Variants in JADE3 observed in about 807,000 individuals in gnomAD.
JADE3 encodes jade family PHD finger 3.
In JADE3, 2 loss-of-function variants were observed where a neutral mutation model predicts 50.1. The ratio of observed to expected loss-of-function variants is 0.04; its 90% confidence interval spans 0.02 to 0.13. The LOEUF (loss-of-function observed/expected upper bound fraction) is 0.13. JADE3 is among the 10% of genes least tolerant of loss of function. The pLI, the probability that JADE3 is intolerant of heterozygous loss-of-function variation, is 1.00. For synonymous variants in JADE3, 218 were observed against 232.9 expected, an observed-to-expected ratio of 0.94 and a Z score of 0.58; for missense variants, 475 against 634.4, an observed-to-expected ratio of 0.75 and a Z score of 2.70.
chrX:47,058,159 T>G lies in JADE3; in HGVS notation c.1562-8T>G, dbSNP rs1481457415. ...GTTGTTAAAACGAATCTTTCTTTTTTATCTCAGGGCTTCCTTTGACAAATG... is the reference window on the plus strand; with the variant it reads ...GTTGTTAAAACGAATCTTTCTTTTTGATCTCAGGGCTTCCTTTGACAAATG... On this transcript the variant is annotated splice_region_variant and splice_polypyrimidine_tract_variant and intron_variant, in intron 10 of 10. Transcript: ENST00000614628. 7.6e-6 allele frequency: 9 copies of G among 1,190,490 alleles called. No individual in the cohort carries two copies. Among genetic ancestry groups the G allele is most frequent in the Non-Finnish European group, 1.0e-5 (9 of 884,490 alleles).
intron 8 of JADE3, among the ~76,000 whole-genome samples, chrX:47,052,810 C>T (rs1481786744): frequency 9.1e-6 from 1 of 110,189 alleles, no homozygotes; most frequent in Non-Finnish European, 1.9e-5. Flanking sequence ...AATCCCAGCA[C>T]TTTGGGAGGC....
intron 1 of JADE3, among the ~76,000 whole-genome samples, chrX:46,926,043 T>C (rs1926356423): frequency 1.1e-5 from 1 of 94,708 alleles, no homozygotes. Context: ...TTTTATTTTA[T>C]TTTATTTTAT....
intron 8 of JADE3, among the ~76,000 whole-genome samples, chrX:47,052,326 T>C (rs1302213309): frequency 9.1e-6 from 1 of 109,496 alleles, no homozygotes; most frequent in African/African-American, 3.3e-5. Context: ...GTAACCATAT[T>C]GTTCAATAGA....
chrX:46,962,108 G>A (rs1300741034), intron 1 of JADE3, among the ~76,000 whole-genome samples: 4 of 111,245 alleles, frequency 3.6e-5, no homozygotes, highest in South Asian at 3.8e-4. Context: ...AAGCACCTGC[G>A]CCTCCTCACA....
intron 1 of JADE3, among the ~76,000 whole-genome samples, chrX:46,960,859 G>T (rs950141618): frequency 3.6e-5 from 4 of 110,965 alleles, no homozygotes; most frequent in African/African-American, 1.3e-4. Context: ...AAGGAACCAG[G>T]TCAGAGAGAG....
intron 9 of JADE3, 88 bp from the exon 10 acceptor site, chrX:47,055,994 T>G: frequency 1.8e-6 from 1 of 542,792 alleles, no homozygotes; most frequent in Non-Finnish European, 3.2e-6. Context: ...CCACCTGACT[T>G]TAGGTCTTTA....
At chrX:46,957,213 T>TTAGATAGATAGATAGA (rs61650300) in intron 1 of JADE3, among the ~76,000 whole-genome samples, 1,219 of 98,546 alleles carry the variant, frequency 0.012, 11 homozygotes, top group Non-Finnish European at 0.014. Flanking sequence ...TTCAGATAGA[T>TTAGATAGATAGATAGA]TAGATAGATA....
intron 6 of JADE3, among the ~76,000 whole-genome samples, chrX:47,029,561 TAAA>T (rs1556366325): frequency 8.9e-6 from 1 of 112,125 alleles, no homozygotes; most frequent in Non-Finnish European, 1.9e-5. Flanking sequence ...ACAAAATGAC[TAAA>T]GTAATTAGAA....
chrX:46,925,741 G>A (rs1203640322), intron 1 of JADE3, among the ~76,000 whole-genome samples: 3 of 108,634 alleles, frequency 2.8e-5, no homozygotes, highest in African/African-American at 6.7e-5. Flanking sequence ...GGAGAATGGC[G>A]TGAACCCGGG....
chrX:46,966,656 GA>G (rs1353404014), intron 1 of JADE3, among the ~76,000 whole-genome samples: 22 of 111,878 alleles, frequency 2.0e-4, no homozygotes, highest in African/African-American at 6.8e-4. Flanking sequence ...ATTCTGGTGA[GA>G]TAGAAGCAAT....
intron 1 of JADE3, among the ~76,000 whole-genome samples, chrX:46,914,614 T>A (rs1926042215): frequency 1.8e-5 from 2 of 112,097 alleles, no homozygotes; most frequent in Non-Finnish European, 3.8e-5. Context: ...TTTGCCACCT[T>A]TTCTCCAGTT....
chrX:46,930,778 C>G (rs981470605), intron 1 of JADE3, among the ~76,000 whole-genome samples: 2 of 111,443 alleles, frequency 1.8e-5, no homozygotes, highest in Non-Finnish European at 3.8e-5. Context: ...ACAGACAGTT[C>G]ATTACACCCC....
At chrX:47,006,728 G>T (rs5906305) in intron 4 of JADE3, among the ~76,000 whole-genome samples, 37,725 of 109,086 alleles carry the variant, frequency 0.35, 7,812 homozygotes, top group African/African-American at 0.77. Flanking sequence ...ATTTGAAGCT[G>T]TTTCTCTTAT....
chrX:46,976,903 C>T (rs925681420), intron 1 of JADE3, among the ~76,000 whole-genome samples: 3 of 111,577 alleles, frequency 2.7e-5, no homozygotes, highest in African/African-American at 9.8e-5. Flanking sequence ...AATTGTTTGC[C>T]GTATGCTTTC....
Position 47,010,836 on chromosome X carries a change from C to CA in JADE3, c.284+12568dup, listed in dbSNP as rs782148436. ...TCTCTCTCTCCCTCTCTTTCTCTCT[C>CA]AAAAAAAAATTATTTTTTCATAGTT... On this transcript the variant is annotated intron_variant, in intron 4 of 10. Coordinates refer to ENST00000614628, the MANE Select transcript of JADE3 (RefSeq NM_014735.5). Among the ~76,000 whole-genome samples the CA allele has an allele frequency of 1.3e-4, 14 of 110,030 alleles. No homozygotes were observed. The East Asian group carries it at 1.4e-3, about 11-fold the overall frequency.
chrX:46,943,351 T>G lies in JADE3; in HGVS notation c.-12+30632T>G, dbSNP rs542833426. 6.2e-5 allele frequency among the ~76,000 whole-genome samples: 7 copies of G among 112,025 alleles called. No individual in the cohort carries two copies. In the Middle Eastern group the frequency reaches 0.014, roughly 221 times the overall value. ...GCTTTGGGTTTGTCATAGGTGGCTC[T>G]TATTATTTTGAGGTATTTTTTTTGA... On this transcript the variant is annotated intron_variant, in intron 1 of 10. Transcript: ENST00000614628.
At chrX:47,025,501 A>G (rs1293287150) in intron 5 of JADE3, among the ~76,000 whole-genome samples, 2 of 112,510 alleles carry the variant, frequency 1.8e-5, no homozygotes, top group African/African-American at 6.5e-5. Flanking sequence ...TAGAGTTGTC[A>G]TACAATATTC....
At chrX:46,943,565 C>A (rs1440799149) in intron 1 of JADE3, among the ~76,000 whole-genome samples, 1 of 111,944 alleles carries the variant, frequency 8.9e-6, no homozygotes, top group East Asian at 2.8e-4. Context: ...GGAATAAAGC[C>A]TACTTGATCA....
At chrX:46,918,190 C>T (rs1556336998) in intron 1 of JADE3, among the ~76,000 whole-genome samples, 1 of 111,659 alleles carries the variant, frequency 9.0e-6, no homozygotes, top group Admixed American at 9.5e-5. Context: ...GCTCTTTCAG[C>T]TCTCACTGAT....
Sources: allele counts gnomAD v4.1 joint callset (sites outside exome capture counted in the v4.1 genomes callset), GRCh38; gene constraint gnomAD v4.1.1; transcripts MANE v1.5; gene names NCBI Gene and HGNC (gene_info 2026-07-23, HGNC 2026-07-21).